Variants in PDGFD observed in about 807,000 individuals in gnomAD.
PDGFD encodes the protein platelet derived growth factor D.
Under a neutral mutation model 44.7 loss-of-function variants are expected in PDGFD, and 30 were observed. The observed-to-expected ratio is 0.67, with a 90% CI of 0.50 to 0.91. PDGFD has a LOEUF of 0.91. PDGFD is among the 40% of genes least tolerant of loss of function. The pLI is 0.00. For synonymous variants in PDGFD, 173 were observed against 168.4 expected, an observed-to-expected ratio of 1.03 and a Z score of -0.21; for missense variants, 445 against 457.8, an observed-to-expected ratio of 0.97 and a Z score of 0.25.
intron 3 of PDGFD, among the ~76,000 whole-genome samples, chr11:103,966,414 C>T (rs1591098677): frequency 1.3e-5 from 2 of 152,240 alleles, no homozygotes; most frequent in Admixed American, 6.5e-5. Flanking sequence ...AAAAGAAAAA[C>T]ATCCCCAATA....
chr11:104,051,271 T>C (rs1860532286), intron 1 of PDGFD, among the ~76,000 whole-genome samples: 1 of 152,200 alleles, frequency 6.6e-6, no homozygotes, highest in African/African-American at 2.4e-5. Context: ...GAAAAATTAA[T>C]TTTAATGGTA....
intron 1 of PDGFD, among the ~76,000 whole-genome samples, chr11:104,071,213 A>T (rs1860870367): frequency 6.6e-6 from 1 of 152,012 alleles, no homozygotes; most frequent in African/African-American, 2.4e-5. Flanking sequence ...TCTTGCATAA[A>T]CATTACACCA....
At chr11:104,054,851 G>T (rs930884691) in intron 1 of PDGFD, among the ~76,000 whole-genome samples, 1 of 152,176 alleles carries the variant, frequency 6.6e-6, no homozygotes, top group Non-Finnish European at 1.5e-5. Context: ...AGGGTAATCA[G>T]CCTCGGAGAG....
At position 103,979,694 on chromosome 11, in the gene PDGFD, A is replaced by T. The variant is rs553592269; in HGVS notation, c.510+16371T>A. Among the ~76,000 whole-genome samples the T allele has an allele frequency of 7.2e-5, 11 of 152,248 alleles. No individual in the cohort carries two copies. In the South Asian group the frequency reaches 2.3e-3, roughly 32 times the overall value. On this transcript the variant is annotated intron_variant, in intron 3 of 6. Transcript: ENST00000393158. Reference sequence around the variant, plus strand: ...CATTTGGTAAGGATGGAACACAGAGATGGGGTGAGTCAGGTTTGTAGATAA... The same window carrying T: ...CATTTGGTAAGGATGGAACACAGAGTTGGGGTGAGTCAGGTTTGTAGATAA...
intron 1 of PDGFD, among the ~76,000 whole-genome samples, chr11:104,059,341 A>G (rs1247164265): frequency 6.6e-6 from 1 of 152,228 alleles, no homozygotes; most frequent in Non-Finnish European, 1.5e-5. Flanking sequence ...CTTAAAAATA[A>G]AAAGCCTTTT....
intron 3 of PDGFD, among the ~76,000 whole-genome samples, chr11:103,982,818 T>C (rs1859292597): frequency 6.6e-6 from 1 of 151,554 alleles, no homozygotes; most frequent in African/African-American, 2.4e-5. Flanking sequence ...CATTCACAAT[T>C]GCCACAAAAA....
intron 1 of PDGFD, among the ~76,000 whole-genome samples, chr11:104,043,364 C>T (rs1860390035): frequency 6.6e-6 from 1 of 152,150 alleles, no homozygotes; most frequent in Non-Finnish European, 1.5e-5. Context: ...TTTATCACCG[C>T]CTAGAAGATA....
intron 6 of PDGFD, among the ~76,000 whole-genome samples, chr11:103,910,150 G>A (rs771029156): frequency 8.5e-5 from 13 of 152,080 alleles, no homozygotes; most frequent in Non-Finnish European, 1.6e-4. Flanking sequence ...AAATATTATC[G>A]TAAAGATCCT....
At chr11:104,042,198 G>A (rs1860365257) in intron 1 of PDGFD, among the ~76,000 whole-genome samples, 1 of 152,080 alleles carries the variant, frequency 6.6e-6, no homozygotes, top group African/African-American at 2.4e-5. Flanking sequence ...GTGGGAACTG[G>A]GCTATGATTA....
At chr11:104,131,399 C>T (rs1861917752) in intron 1 of PDGFD, among the ~76,000 whole-genome samples, 1 of 152,114 alleles carries the variant, frequency 6.6e-6, no homozygotes, top group South Asian at 2.1e-4. Context: ...TTACCAGCAT[C>T]TGACTTCAAA....
chr11:104,109,773 T>G (rs11226163), intron 1 of PDGFD, among the ~76,000 whole-genome samples: 15,609 of 149,296 alleles, frequency 0.1, 936 homozygotes, highest in East Asian at 0.32. Context: ...ATCATTAAGT[T>G]AAAAAAAAAA....
At chr11:103,938,855 A>T (rs972849481) in intron 5 of PDGFD, among the ~76,000 whole-genome samples, 3 of 152,170 alleles carry the variant, frequency 2.0e-5, no homozygotes, top group African/African-American at 7.2e-5. Flanking sequence ...GTCAAAGATC[A>T]GATAGTTGTA....
chr11:104,015,199 GCA>G (rs556355364), intron 1 of PDGFD, among the ~76,000 whole-genome samples: 370 of 152,186 alleles, frequency 2.4e-3, no homozygotes, highest in South Asian at 6.2e-3. Context: ...TTATTCTGAA[GCA>G]CACTCAATAA....
At chr11:103,985,525 G>T (rs1299118779) in intron 3 of PDGFD, among the ~76,000 whole-genome samples, 3 of 151,674 alleles carry the variant, frequency 2.0e-5, no homozygotes, top group Non-Finnish European at 4.4e-5. Flanking sequence ...TTTTTGACAC[G>T]AATATGACTT....
At chr11:104,135,323 C>T (rs11226194) in intron 1 of PDGFD, among the ~76,000 whole-genome samples, 19,793 of 152,028 alleles carry the variant, frequency 0.13, 1,414 homozygotes, top group East Asian at 0.29. Context: ...ACTAAGGGAA[C>T]ATAGAAAGGC....
intron 1 of PDGFD, among the ~76,000 whole-genome samples, chr11:104,046,298 T>G (rs1325740482): frequency 6.8e-6 from 1 of 147,548 alleles, no homozygotes; most frequent in African/African-American, 2.5e-5. Context: ...TTCTGGTGCA[T>G]CTCATCAAGA....
chr11:103,928,369 T>C (rs1448156395), intron 5 of PDGFD, among the ~76,000 whole-genome samples: 1 of 152,216 alleles, frequency 6.6e-6, no homozygotes, highest in Non-Finnish European at 1.5e-5. Context: ...CCATGAATGT[T>C]AGGCAGTTAT....
intron 1 of PDGFD, among the ~76,000 whole-genome samples, chr11:104,055,341 G>T (rs1860602730): frequency 6.6e-6 from 1 of 152,160 alleles, no homozygotes; most frequent in Non-Finnish European, 1.5e-5. Context: ...TAGAAAAGTG[G>T]CTGGCTTAAT....
In PDGFD at chr11:104,082,137, C is replaced by CATATATATATATATATATATATAT. The variant is rs937501432; in HGVS notation, c.124+81666_124+81667insATATATATATATATATATATATAT. On this transcript the variant is annotated intron_variant, in intron 1 of 6. Coordinates refer to ENST00000393158, the MANE Select transcript of PDGFD (RefSeq NM_025208.5). ...TTGTTGATGTCCATATACATACATA[C>CATATATATATATATATATATATAT]ATATATATATATGAAAAACAAAGTC... 6.4e-3 allele frequency among the ~76,000 whole-genome samples: 784 copies of CATATATATATATATATATATATAT among 123,172 alleles called. 32 individuals are homozygous for CATATATATATATATATATATATAT. Among genetic ancestry groups the CATATATATATATATATATATATAT allele is most frequent in the African/African-American group, 0.025 (731 of 29,204 alleles). The allele number at this position is 123,172 out of a possible 152,430, so 80.8% of individuals were successfully genotyped here.
Sources: allele counts gnomAD v4.1 joint callset (sites outside exome capture counted in the v4.1 genomes callset), GRCh38; gene constraint gnomAD v4.1.1; transcripts MANE v1.5; gene names NCBI Gene and HGNC (gene_info 2026-07-23, HGNC 2026-07-21).